The following CUX1 variants were observed in gnomAD, a reference collection of about 807,000 sequenced individuals.
CUX1 encodes the protein cut like homeobox 1.
CUX1 carries 31 observed loss-of-function variants against 158.8 expected under a neutral mutation model. That is an observed-to-expected ratio of 0.20 (90% confidence interval 0.15 to 0.26). The LOEUF (loss-of-function observed/expected upper bound fraction) is 0.26. Ranked by LOEUF, CUX1 falls within the 10% of genes least tolerant of loss-of-function variation. CUX1 has a pLI of 1.00. For synonymous variants in CUX1, 879 were observed against 862.1 expected (o/e 1.02, Z -0.34); for missense variants, 1,589 against 2,014.6 (o/e 0.79, Z 4.04).
In CUX1 at chr7:101,962,469, C is replaced by T. The variant is rs537840191; in HGVS notation, c.141+46244C>T. Among the ~76,000 whole-genome samples the T allele has an allele frequency of 1.4e-4, 21 of 152,288 alleles. 1 individual carries two copies. In the South Asian group the frequency reaches 2.1e-3, roughly 15 times the overall value. On this transcript the variant is annotated intron_variant, in intron 2 of 23. Transcript: ENST00000292535. The stretch of plus-strand genomic sequence containing the variant: ...CTTTCTATTTAGCGAAGGTTTTTAG[C>T]GGTCCATAGAGGCCGGAGATAACGA...
At chr7:102,117,592 C>T (rs1374716132) in intron 8 of CUX1, among the ~76,000 whole-genome samples, 7 of 152,004 alleles carry the variant, frequency 4.6e-5, no homozygotes, top group South Asian at 2.1e-4. Flanking sequence ...CCCAGGGCAG[C>T]GCCAGGGACC....
chr7:102,225,142 C>T (rs1798216974), intron 20 of CUX1, among the ~76,000 whole-genome samples: 1 of 152,128 alleles, frequency 6.6e-6, no homozygotes, highest in Admixed American at 6.6e-5. Flanking sequence ...AAGATTTATA[C>T]GGACCATTTC....
intron 2 of CUX1, among the ~76,000 whole-genome samples, chr7:101,955,954 T>C (rs553838761): frequency 1.2e-4 from 18 of 151,062 alleles, no homozygotes; most frequent in African/African-American, 4.4e-4. Flanking sequence ...GAGGCCAAGG[T>C]GGGCGGATCA....
intron 1 of CUX1, among the ~76,000 whole-genome samples, chr7:101,912,345 C>G (rs1006399911): frequency 2.0e-5 from 3 of 151,958 alleles, no homozygotes; most frequent in Admixed American, 1.3e-4. Flanking sequence ...ACTCGCCTCA[C>G]TTCTTGCATC....
rs1727879633 is a variant in CUX1, at chr7:102,249,581, AAATC to A, written c.*542_*545del. ...TTCCGTGTGGGCTTTAAAAGAAAAA[AAATC>A]AAACCCACATATTAAAAGGGGGCTT... On this transcript the variant is annotated 3_prime_UTR_variant, in exon 24 of 24. Coordinates refer to ENST00000292535, the MANE Select transcript of CUX1 (RefSeq NM_181552.4). 1.0e-6 allele frequency: 1 copy of A among 985,736 alleles called. No homozygotes were observed. Among genetic ancestry groups the A allele is most frequent in the African/African-American group, 1.7e-5 (1 of 57,240 alleles). 61.1% of individuals were successfully genotyped at this position (985,736 alleles called of 1,614,324 possible). A position where few individuals can be genotyped will look rare whatever the true frequency, so the allele number is the denominator to read the frequency against.
chr7:102,272,124 T>C (rs1791259219), intron 14 of CUX1, among the ~76,000 whole-genome samples: 1 of 152,202 alleles, frequency 6.6e-6, no homozygotes, highest in Non-Finnish European at 1.5e-5. Context: ...TTGGGTTTGG[T>C]CCCAGGTCGG....
At chr7:102,063,383 C>CCT (rs1825158220) in intron 3 of CUX1, among the ~76,000 whole-genome samples, 1 of 89,272 alleles carries the variant, frequency 1.1e-5, no homozygotes, top group African/African-American at 4.2e-5. Context: ...ATTTCCTTTT[C>CCT]TTTTTTTTTT....
chr7:102,119,896 G>C (rs557732409), intron 8 of CUX1, among the ~76,000 whole-genome samples: 1 of 152,272 alleles, frequency 6.6e-6, no homozygotes, highest in African/African-American at 2.4e-5. Flanking sequence ...TGGTCACCCT[G>C]TGTACGGATC....
At chr7:101,832,664 A>G (rs960117305) in intron 1 of CUX1, among the ~76,000 whole-genome samples, 1 of 152,186 alleles carries the variant, frequency 6.6e-6, no homozygotes, top group Non-Finnish European at 1.5e-5. Context: ...ATGGAAATAA[A>G]CCCGAACCTT....
rs952473449 is a variant in CUX1 at position 101,817,633 on chromosome 7, C to T, written c.-7C>T. ...CGCCGGGACAGCCCCGGGACTCTGC[C>T]AGGTGGATGTTGTGCGTAGCCGGAG... On this transcript the variant is annotated 5_prime_UTR_variant, in exon 1 of 24. Coordinates refer to ENST00000292535, the MANE Select transcript of CUX1 (RefSeq NM_181552.4). The surrounding 1 kb of genome is among the most constrained non-coding windows in gnomAD (Gnocchi z 4.1). 12 of 1,550,784 alleles carry T rather than the reference C, an allele frequency of 7.7e-6. No individual in the cohort carries two copies. In the African/African-American group the frequency reaches 1.2e-4, roughly 16 times the overall value.
At chr7:101,858,708 C>G (rs1797141497) in intron 1 of CUX1, among the ~76,000 whole-genome samples, 1 of 149,170 alleles carries the variant, frequency 6.7e-6, no homozygotes, top group Non-Finnish European at 1.5e-5. Flanking sequence ...CTCTGTGGCC[C>G]AGGCTGGAGT....
intron 8 of CUX1, chr7:102,125,523 T>G (rs1298105445): frequency 6.6e-6 from 1 of 152,150 alleles, no homozygotes; most frequent in Non-Finnish European, 1.5e-5. Context: ...TCTTATTTGC[T>G]TCAGAAGTGG....
intron 4 of CUX1, among the ~76,000 whole-genome samples, chr7:102,072,760 C>T (rs999126295): frequency 2.0e-5 from 3 of 152,112 alleles, no homozygotes; most frequent in Admixed American, 6.6e-5. Flanking sequence ...CACTGTCCCT[C>T]GGGCATCAGC....
chr7:102,189,935 T>C (rs1794099923), intron 12 of CUX1, 64 bp downstream of exon 12: 1 of 1,567,132 alleles, frequency 6.4e-7, no homozygotes, highest in Non-Finnish European at 8.8e-7. Context: ...CTGCTAACAA[T>C]GCCAGGCTGG....
intron 8 of CUX1, among the ~76,000 whole-genome samples, chr7:102,129,576 C>T (rs868963695): frequency 6.6e-6 from 1 of 152,060 alleles, no homozygotes; most frequent in African/African-American, 2.4e-5. Context: ...CCCAGCTACT[C>T]GGGAGGCTGA....
chr7:102,227,608 G>A lies in CUX1; in HGVS notation c.3372G>A (p.Pro1124=), dbSNP rs146753347. The A allele has an allele frequency of 5.6e-5, 90 of 1,613,876 alleles. No individual in the cohort carries two copies. The highest frequency in any genetic ancestry group is 2.7e-4 in the Admixed American group (16 of 59,986). Residue 1124 remains proline (P), a synonymous_variant, in exon 21 of 24, where the codon CCG becomes CCA. Transcript: ENST00000292535. The part of the protein sequence containing the change: ...LSIQELVAMS[P]ELDTYGITKR... ...TCCAAGAATTAGTAGCCATGTCCCC[G>A]GAGCTGGACACCTACGGCATAACCA...
chr7:102,174,664 G>C (rs1285780451), intron 10 of CUX1, among the ~76,000 whole-genome samples: 2 of 152,214 alleles, frequency 1.3e-5, no homozygotes, highest in Non-Finnish European at 1.5e-5. Context: ...AGGAAGGATG[G>C]GCCAGGCGCA....
chr7:102,202,071 C>T lies in CUX1; in HGVS notation c.2774C>T (p.Pro925Leu), dbSNP rs948149624. The T allele has an allele frequency of 1.4e-5, 22 of 1,614,010 alleles. No homozygotes were observed. The highest frequency in any genetic ancestry group is 1.7e-5 in the Non-Finnish European group (20 of 1,180,030). ...GTGCCCATGTCCAAGCCCACCAAGC[C>T]CTCGGTCCCCCCGCTGACCCCCGAG... ...PIVPMSKPTK[P>L]SVPPLTPEQY... The change falls in exon 18 of 24, where the codon CCC (proline) becomes CTC (leucine). Residue 925 changes from proline to leucine, a missense_variant. By Grantham distance (98) the Pro-to-Leu change is moderately conservative. Around this residue, in one of 8 missense-constraint regions of CUX1, gnomAD observed 337 missense variants for 409.3 expected, o/e 0.82. Transcript: ENST00000292535.
At chr7:102,031,069 A>AT (rs1820735759) in intron 3 of CUX1, among the ~76,000 whole-genome samples, 1 of 149,628 alleles carries the variant, frequency 6.7e-6, no homozygotes, top group African/African-American at 2.5e-5. Context: ...TTTTATTTTT[A>AT]TTTTTTCTAG....
Sources: allele counts gnomAD v4.1 joint callset (sites outside exome capture counted in the v4.1 genomes callset), GRCh38; gene constraint gnomAD v4.1.1; regional missense constraint gnomAD v4.1.1; non-coding constraint Gnocchi (gnomAD v3.1); transcripts MANE v1.5; gene names NCBI Gene and HGNC (gene_info 2026-07-23, HGNC 2026-07-21).